FGF13: variants seen among roughly 807,000 people sequenced by gnomAD.
FGF13 encodes fibroblast growth factor homologous factor 2.
FGF13 carries 2 observed loss-of-function variants against 19.5 expected under a neutral mutation model. That is an observed-to-expected ratio of 0.10 (90% confidence interval 0.04 to 0.32). FGF13 has a LOEUF of 0.32. Among genes scored for constraint, FGF13 ranks in the 10% least tolerant of loss-of-function variants. The pLI is 1.00. For missense variants in FGF13, 113 were observed against 192.7 expected, an observed-to-expected ratio of 0.59 and a Z score of 2.45; for synonymous variants, 72 against 76.9, an observed-to-expected ratio of 0.94 and a Z score of 0.33.
At chrX:139,116,704 T>A (rs2083642074) in intron 1 of FGF13, among the ~76,000 whole-genome samples, 1 of 110,715 alleles carries the variant, frequency 9.0e-6, no homozygotes, top group South Asian at 3.9e-4. Flanking sequence ...AAAAATCCAT[T>A]TAGCACTGTG....
At chrX:138,737,897 T>C (rs1317838875) in intron 1 of FGF13, among the ~76,000 whole-genome samples, 1 of 112,480 alleles carries the variant, frequency 8.9e-6, no homozygotes, top group African/African-American at 3.2e-5. Flanking sequence ...GAGACATGAA[T>C]TGTGGAAATA....
chrX:138,691,154 T>C (rs1454383281), intron 3 of FGF13, among the ~76,000 whole-genome samples: 1 of 111,441 alleles, frequency 9.0e-6, no homozygotes, highest in Non-Finnish European at 1.9e-5. Flanking sequence ...TATGATACAA[T>C]ATAAAAGCTC....
intron 1 of FGF13, among the ~76,000 whole-genome samples, chrX:139,176,292 TTTC>T (rs1191828119): frequency 9.0e-6 from 1 of 111,221 alleles, no homozygotes; most frequent in African/African-American, 3.3e-5. Context: ...TCTTCTCTCT[TTTC>T]TTCTTCTTTA....
At chrX:138,981,415 G>T (rs1451488369) in intron 1 of FGF13, among the ~76,000 whole-genome samples, 1 of 110,621 alleles carries the variant, frequency 9.0e-6, no homozygotes, top group East Asian at 2.9e-4. Flanking sequence ...GAGAATCAGG[G>T]CTCTATATGC....
In FGF13 at chrX:138,629,489, T is replaced by C. The variant is rs777077462; in HGVS notation, c.*3361A>G. The C allele has an allele frequency of 5.4e-5, 6 of 110,901 alleles. No homozygotes were observed. In the South Asian group the frequency reaches 2.0e-3, roughly 36 times the overall value. 9.1% of individuals were successfully genotyped at this position (110,901 alleles called of 1,213,427 possible). On this transcript the variant is annotated 3_prime_UTR_variant, in exon 5 of 5. Coordinates refer to ENST00000315930, the MANE Select transcript of FGF13 (RefSeq NM_004114.5). ...GGCGGTTTCCCCATGCTGTCTCATA[T>C]AGTGAGGAAGTTCTCACTAAATCTG...
At chrX:139,136,424 C>A (rs1351464321) in intron 1 of FGF13, among the ~76,000 whole-genome samples, 2 of 90,880 alleles carry the variant, frequency 2.2e-5, no homozygotes, top group Non-Finnish European at 4.1e-5. Context: ...TGTGAGTGTT[C>A]TGAAGGGCAA....
At chrX:139,184,710 T>C (rs2084268765) in intron 1 of FGF13, among the ~76,000 whole-genome samples, 1 of 112,459 alleles carries the variant, frequency 8.9e-6, no homozygotes, top group Admixed American at 9.4e-5. Context: ...TATTCATTGC[T>C]ATATCACTTA....
intron 3 of FGF13, among the ~76,000 whole-genome samples, chrX:138,819,000 T>C (rs1760660535): frequency 9.0e-6 from 1 of 111,121 alleles, no homozygotes; most frequent in African/African-American, 3.3e-5. Context: ...CTCTGGCCTC[T>C]CCCAGCTCTA....
chrX:139,107,662 T>C (rs2083569615), intron 1 of FGF13, among the ~76,000 whole-genome samples: 1 of 110,659 alleles, frequency 9.0e-6, no homozygotes, highest in Admixed American at 9.6e-5. Flanking sequence ...TTGACCCCTC[T>C]TGGATTATGA....
chrX:138,739,938 C>T (rs959597051), upstream of FGF13, among the ~76,000 whole-genome samples: 7 of 111,845 alleles, frequency 6.3e-5, no homozygotes, highest in Non-Finnish European at 1.3e-4. Context: ...AATCTATGAG[C>T]AGCCTATGAA....
intron 1 of FGF13, among the ~76,000 whole-genome samples, chrX:139,073,393 G>A (rs1358221174): frequency 9.0e-6 from 1 of 111,249 alleles, no homozygotes; most frequent in Non-Finnish European, 1.9e-5. Flanking sequence ...TATCATAAGA[G>A]CTGTTATGAA....
intron 3 of FGF13, among the ~76,000 whole-genome samples, chrX:138,653,135 G>T (rs916028689): frequency 8.9e-6 from 1 of 111,870 alleles, no homozygotes; most frequent in Non-Finnish European, 1.9e-5. Flanking sequence ...ATTGCTCTTT[G>T]TAGAATATGG....
At chrX:138,757,585 T>G (rs918353926) in intron 3 of FGF13, among the ~76,000 whole-genome samples, 1 of 110,867 alleles carries the variant, frequency 9.0e-6, no homozygotes, top group African/African-American at 3.3e-5. Context: ...GAACCAATAG[T>G]GAGCTGGCAG....
At chrX:138,903,191 G>T (rs1427044427) in intron 1 of FGF13, among the ~76,000 whole-genome samples, 1 of 111,690 alleles carries the variant, frequency 9.0e-6, no homozygotes, top group Non-Finnish European at 1.9e-5. Flanking sequence ...TAGAAAGGAA[G>T]ACAAGAAAAC....
At chrX:138,907,931 A>G (rs1180534877) in intron 1 of FGF13, among the ~76,000 whole-genome samples, 1 of 111,405 alleles carries the variant, frequency 9.0e-6, no homozygotes, top group Non-Finnish European at 1.9e-5. Context: ...ATGTTTCTGA[A>G]CAGGTGAAAG....
intron 3 of FGF13, among the ~76,000 whole-genome samples, chrX:138,781,940 C>T (rs1428049709): frequency 8.9e-6 from 1 of 111,951 alleles, no homozygotes; most frequent in South Asian, 3.8e-4. Context: ...TCCAGCAGCA[C>T]ATCAAAAAGC....
chrX:138,757,828 T>A (rs1392220146), intron 3 of FGF13, among the ~76,000 whole-genome samples: 2 of 111,985 alleles, frequency 1.8e-5, no homozygotes, highest in African/African-American at 6.5e-5. Context: ...TTTACATGGA[T>A]GATCTACTTC....
chrX:138,921,236 G>T (rs2091643287), intron 1 of FGF13, among the ~76,000 whole-genome samples: 1 of 111,240 alleles, frequency 9.0e-6, no homozygotes, highest in African/African-American at 3.3e-5. Context: ...AAAGTTCCTA[G>T]AGGGAATTAA....
intron 1 of FGF13, among the ~76,000 whole-genome samples, chrX:138,899,489 C>A (rs764294853): frequency 4.5e-5 from 5 of 111,084 alleles, no homozygotes; most frequent in African/African-American, 6.6e-5. Flanking sequence ...CGGCACAATT[C>A]TCTCCATTTC....
Sources: gnomAD v4.1 joint callset for allele counts (sites outside exome capture counted in the v4.1 genomes callset) on GRCh38, gnomAD v4.1.1 for gene constraint, MANE v1.5 for transcripts, NCBI Gene and HGNC (gene_info 2026-07-23, HGNC 2026-07-21) for gene names.